BTRC: variants seen among roughly 807,000 people sequenced by gnomAD.
The protein encoded by BTRC is F-box/WD repeat-containing protein 1A.
A neutral mutation model predicts 85.5 loss-of-function variants in BTRC; 42 were observed. The observed-to-expected ratio is 0.49, with a 90% confidence interval of 0.38 to 0.64. BTRC has a LOEUF of 0.64. Ranked by LOEUF, BTRC falls within the 30% of genes least tolerant of loss-of-function variation. The pLI is 0.00. For synonymous variants in BTRC, 255 were observed against 263.3 expected (o/e 0.97, Z 0.30); for missense variants, 594 against 743.5 (o/e 0.80, Z 2.34).
intron 2 of BTRC, among the ~76,000 whole-genome samples, chr10:101,437,697 G>A (rs899504999): frequency 6.6e-6 from 1 of 152,066 alleles, no homozygotes; most frequent in African/African-American, 2.4e-5. Flanking sequence ...ACATGTTTTT[G>A]AATTGAACAA....
chr10:101,383,392 CT>C (rs150625153), intron 1 of BTRC, among the ~76,000 whole-genome samples: 9,711 of 146,814 alleles, frequency 0.066, 332 homozygotes, highest in Non-Finnish European at 0.074. Context: ...ATAAGTCTTC[CT>C]TTTTAAAAAA....
At chr10:101,361,601 C>T (rs1401081809) in intron 1 of BTRC, among the ~76,000 whole-genome samples, 4 of 152,150 alleles carry the variant, frequency 2.6e-5, no homozygotes, top group African/African-American at 9.7e-5. Flanking sequence ...GGGAAGGGTC[C>T]ACTGGATCTT....
intron 4 of BTRC, among the ~76,000 whole-genome samples, chr10:101,515,255 C>T (rs1216283569): frequency 1.3e-5 from 2 of 152,102 alleles, no homozygotes; most frequent in Non-Finnish European, 2.9e-5. Flanking sequence ...CACACCTAAC[C>T]GTTTTTTTTA....
chr10:101,534,583 T>A, intron 9 of BTRC, 78 bp from the exon 10 acceptor site: 3 of 1,558,712 alleles, frequency 1.9e-6, no homozygotes, highest in Non-Finnish European at 2.6e-6. Context: ...ATATAAGGGG[T>A]GGAAGGGCGC....
rs1554862047 is a variant in BTRC at position 101,366,788 on chromosome 10, A to ATT, written c.48+12564_48+12565dup. ...TAGTTATATATATATATATATATAT[A>ATT]TTTTTACATTTATATATATATTTAT... On this transcript the variant is annotated intron_variant, in intron 1 of 14. Transcript: ENST00000370187. 6.7e-4 allele frequency among the ~76,000 whole-genome samples: 46 copies of ATT among 68,860 alleles called. 4 individuals are homozygous for ATT. Among genetic ancestry groups the ATT allele is most frequent in the East Asian group, 3.2e-3 (9 of 2,820 alleles). 45.2% of individuals were successfully genotyped at this position (68,860 alleles called of 152,430 possible).
intron 1 of BTRC, among the ~76,000 whole-genome samples, chr10:101,393,674 C>A (rs532207106): frequency 3.9e-4 from 60 of 152,264 alleles, no homozygotes; most frequent in African/African-American, 1.4e-3. Context: ...GAGAAGTCTT[C>A]TGTGTTGATG....
intron 1 of BTRC, among the ~76,000 whole-genome samples, chr10:101,412,074 GC>G (rs1443717412): frequency 1.3e-5 from 2 of 152,162 alleles, no homozygotes; most frequent in African/African-American, 4.8e-5. Flanking sequence ...ACAGAAATGT[GC>G]CCCAGGTCTG....
intron 8 of BTRC, 81 bp downstream of exon 8, chr10:101,532,513 T>G: frequency 7.0e-7 from 1 of 1,423,888 alleles, no homozygotes; most frequent in Non-Finnish European, 9.3e-7. Flanking sequence ...GCATAAACTC[T>G]AAGCATTATT....
At chr10:101,472,267 T>TTCCTCTCTTCTCTTCTCTTC (rs1945545384) in intron 3 of BTRC, among the ~76,000 whole-genome samples, 1 of 76,998 alleles carries the variant, frequency 1.3e-5, no homozygotes, top group Non-Finnish European at 3.7e-5. Context: ...TTCTTTTCTT[T>TTCCTCTCTTCTCTTCTCTTC]TCTTTTCCTC....
intron 1 of BTRC, among the ~76,000 whole-genome samples, chr10:101,428,824 T>G (rs1261908883): frequency 1.3e-5 from 2 of 152,202 alleles, no homozygotes; most frequent in Non-Finnish European, 1.5e-5. Context: ...TTGCAGCCCA[T>G]TATCTATCTA....
rs1180620817 is a variant in BTRC, at chr10:101,431,197, C to T, written c.156+745C>T. Among the ~76,000 whole-genome samples, 8 of 151,750 alleles carry T rather than the reference C, an allele frequency of 5.3e-5. No individual in the cohort carries two copies. The East Asian group carries it at 1.4e-3, about 26-fold the overall frequency. ...GTTCAAGCAATTCTCCTGCCTCAGC[C>T]TCCTGAGTAGTTGGGATTACAGTTA... On this transcript the variant is annotated intron_variant, in intron 2 of 14. Coordinates refer to ENST00000370187, the MANE Select transcript of BTRC (RefSeq NM_033637.4).
At position 101,544,830 on chromosome 10, in the gene BTRC, G is replaced by A. The variant is rs564545129; in HGVS notation, c.1657-5869G>A. Reference sequence around the variant, plus strand: ...TCCCAGCACTTTGGGAGTCTGAGGCGGTGGATTGCTTGAACTCAGGAGTTC... The same window carrying A: ...TCCCAGCACTTTGGGAGTCTGAGGCAGTGGATTGCTTGAACTCAGGAGTTC... On this transcript the variant is annotated intron_variant, in intron 13 of 14. Transcript: ENST00000370187. Among the ~76,000 whole-genome samples, 7 of 152,148 alleles carry A rather than the reference G, an allele frequency of 4.6e-5. No homozygotes were observed. The East Asian group carries it at 7.7e-4, about 17-fold the overall frequency.
intron 3 of BTRC, among the ~76,000 whole-genome samples, chr10:101,477,182 G>A (rs1264898823): frequency 6.6e-6 from 1 of 151,536 alleles, no homozygotes; most frequent in Non-Finnish European, 1.5e-5. Context: ...TGTATTTTTA[G>A]TAGAGACGGG....
intron 5 of BTRC, 67 bp downstream of exon 5, chr10:101,521,937 T>C: frequency 8.1e-7 from 1 of 1,235,786 alleles, no homozygotes; most frequent in Non-Finnish European, 1.1e-6. Context: ...TCTCCAGCTA[T>C]ATATCTCTCT....
At chr10:101,358,557 T>C (rs950057703) in intron 1 of BTRC, among the ~76,000 whole-genome samples, 1 of 152,272 alleles carries the variant, frequency 6.6e-6, no homozygotes, top group Non-Finnish European at 1.5e-5. Flanking sequence ...AAATATTTGC[T>C]GTTTAACAGA....
At chr10:101,514,730 G>A (rs948047286) in intron 4 of BTRC, among the ~76,000 whole-genome samples, 2 of 152,130 alleles carry the variant, frequency 1.3e-5, no homozygotes, top group African/African-American at 4.8e-5. Context: ...TGGGATTACA[G>A]GCATGAGCCA....
At chr10:101,386,745 C>T (rs1943088826) in intron 1 of BTRC, among the ~76,000 whole-genome samples, 1 of 152,108 alleles carries the variant, frequency 6.6e-6, no homozygotes, top group African/African-American at 2.4e-5. Flanking sequence ...TTTTCCGAGT[C>T]TTTGTTTTGT....
Position 101,400,869 on chromosome 10 carries a change from C to T in BTRC, c.49-29476C>T, listed in dbSNP as rs184445958. Among the ~76,000 whole-genome samples the T allele has an allele frequency of 3.1e-3, 464 of 151,992 alleles. 6 individuals are homozygous for T. Among genetic ancestry groups the T allele is most frequent in the Admixed American group, 0.021 (316 of 15,252 alleles). Reference sequence around the variant, plus strand: ...CCAAGCTTTTTCTTTTTTCATTTTCCTCTGCCTTTCTTTCCCTCCTTTTTT... The same window carrying T: ...CCAAGCTTTTTCTTTTTTCATTTTCTTCTGCCTTTCTTTCCCTCCTTTTTT... On this transcript the variant is annotated intron_variant, in intron 1 of 14. Coordinates refer to ENST00000370187, the MANE Select transcript of BTRC (RefSeq NM_033637.4).
chr10:101,539,500 C>A (rs2062435193), intron 13 of BTRC, among the ~76,000 whole-genome samples: 1 of 152,188 alleles, frequency 6.6e-6, no homozygotes, highest in African/African-American at 2.4e-5. Context: ...TGAAGTGGCA[C>A]TACATGTTGC....
Sources: allele counts gnomAD v4.1 joint callset (sites outside exome capture counted in the v4.1 genomes callset), GRCh38; gene constraint gnomAD v4.1.1; transcripts MANE v1.5; gene names NCBI Gene and HGNC (gene_info 2026-07-23, HGNC 2026-07-21).